Variants in PPP4R3A observed in about 807,000 individuals in gnomAD.
PPP4R3A encodes the protein serine/threonine-protein phosphatase 4 regulatory subunit 3A.
In PPP4R3A, 15 loss-of-function variants were observed where a neutral mutation model predicts 91.7. The ratio of observed to expected loss-of-function variants is 0.16; its 90% CI spans 0.11 to 0.25. The LOEUF is 0.25. Among genes scored for constraint, PPP4R3A ranks in the 10% least tolerant of loss-of-function variants. The pLI is 1.00. For missense variants in PPP4R3A, 623 were observed against 998.4 expected (o/e 0.62, Z 5.07); for synonymous variants, 377 against 348.7 (o/e 1.08, Z -0.91).
At chr14:91,485,536 T>C (rs149034440) in intron 3 of PPP4R3A, 96 bp downstream of exon 3, 1 of 833,376 alleles carries the variant, frequency 1.2e-6, no homozygotes, top group African/African-American at 1.7e-5. Context: ...AAAGATCAAT[T>C]TGAAATTTAT....
At chr14:91,469,045 CACTG>C (rs1388468864) in intron 10 of PPP4R3A, among the ~76,000 whole-genome samples, 10 of 149,794 alleles carry the variant, frequency 6.7e-5, no homozygotes. Context: ...TCTAAGATGC[CACTG>C]ACTAAGCTAC....
chr14:91,509,719 G>A lies in PPP4R3A; in HGVS notation c.-72C>T, dbSNP rs374514084. The A allele has an allele frequency of 1.1e-3, 1,586 of 1,472,554 alleles. 34 individuals carry two copies. The South Asian group carries it at 0.019, about 18-fold the overall frequency. The allele number at this position is 1,472,554 out of a possible 1,614,324, so 91.2% of individuals were successfully genotyped here. A position where few individuals can be genotyped will look rare whatever the true frequency, so the allele number is the denominator to read the frequency against. ...GGAAAGGGGCCCTGGAGAGGCGAGG[G>A]GCGAGGCGTGAGGGCGCCCGCGAGC... is the stretch of plus-strand genomic sequence containing the variant. On this transcript the variant is annotated 5_prime_UTR_variant, in exon 1 of 15. Transcript: ENST00000554943.
intron 1 of PPP4R3A, among the ~76,000 whole-genome samples, chr14:91,502,471 C>T (rs1008752401): frequency 6.6e-6 from 1 of 152,198 alleles, no homozygotes; most frequent in Non-Finnish European, 1.5e-5. Flanking sequence ...TGTACCGACA[C>T]TGAGCTCTTC....
In PPP4R3A at chr14:91,485,627, A is replaced by T. The variant is rs1364082699; in HGVS notation, c.297+5T>A. On this transcript the variant is annotated splice_donor_5th_base_variant and intron_variant, in intron 3 of 14. Transcript: ENST00000554943. ...GCATGTTGATTTTTTTATTTAAAAA[A>T]TTACCTGACATATTTTCTCCCAAAT... 1 of 1,593,376 alleles carries T rather than the reference A, an allele frequency of 6.3e-7. No individual in the cohort carries two copies. Among genetic ancestry groups the T allele is most frequent in the East Asian group, 2.2e-5 (1 of 44,726 alleles).
At chr14:91,483,737 G>A (rs1777697308) in intron 3 of PPP4R3A, among the ~76,000 whole-genome samples, 1 of 152,152 alleles carries the variant, frequency 6.6e-6, no homozygotes, top group African/African-American at 2.4e-5. Flanking sequence ...TAAAAAGAGT[G>A]ACTGAGAAAT....
chr14:91,460,242 T>G (rs1028696066), intron 14 of PPP4R3A, among the ~76,000 whole-genome samples: 1 of 152,106 alleles, frequency 6.6e-6, no homozygotes, highest in African/African-American at 2.4e-5. Flanking sequence ...TCGGATCTCC[T>G]GACCTCGTGA....
At chr14:91,506,976 C>T (rs1286804664) in intron 1 of PPP4R3A, among the ~76,000 whole-genome samples, 7 of 152,100 alleles carry the variant, frequency 4.6e-5, no homozygotes, top group Admixed American at 4.6e-4. Context: ...TAACCTCCAA[C>T]CTGCAAAATG....
rs906824465 is a variant in PPP4R3A at position 91,469,752 on chromosome 14, C to T, written c.1660+1085G>A. On this transcript the variant is annotated intron_variant, in intron 10 of 14. Transcript: ENST00000554943. ...CCCAGCTTTCTATTTTTAGTAGAGACGGGGTTTCACCATGTTACCCAGGCT... is the reference window on the plus strand; with the variant it reads ...CCCAGCTTTCTATTTTTAGTAGAGATGGGGTTTCACCATGTTACCCAGGCT... Among the ~76,000 whole-genome samples, 29 of 151,962 alleles carry T rather than the reference C, an allele frequency of 1.9e-4. No homozygotes were observed. The East Asian group carries it at 2.3e-3, about 12-fold the overall frequency.
intron 7 of PPP4R3A, among the ~76,000 whole-genome samples, chr14:91,473,926 T>C (rs1057372038): frequency 1.7e-4 from 26 of 152,230 alleles, no homozygotes; most frequent in Middle Eastern, 6.8e-3. Flanking sequence ...TGCACCACCA[T>C]GCCCGGCTAA....
chr14:91,499,467 T>C (rs1198775181), intron 1 of PPP4R3A, among the ~76,000 whole-genome samples: 1 of 151,846 alleles, frequency 6.6e-6, no homozygotes, highest in African/African-American at 2.4e-5. Context: ...ATAATAGAGG[T>C]GTTTACAATT....
chr14:91,490,943 C>T (rs1383214481), intron 1 of PPP4R3A, 141 bp from the exon 2 acceptor site: 4 of 341,460 alleles, frequency 1.2e-5, no homozygotes, highest in Admixed American at 5.1e-5. Flanking sequence ...TTCTCTCTGT[C>T]GCCCAGACTG....
At chr14:91,466,997 G>A (rs1249286449) in intron 10 of PPP4R3A, among the ~76,000 whole-genome samples, 1 of 149,478 alleles carries the variant, frequency 6.7e-6, no homozygotes, top group African/African-American at 2.5e-5. Flanking sequence ...CTAGGTGAGT[G>A]AAAAACTCCT....
In PPP4R3A at chr14:91,458,689, G is replaced by A; in HGVS notation, c.*70C>T. The A allele has an allele frequency of 6.2e-7, 1 of 1,611,148 alleles. No individual in the cohort carries two copies. Among genetic ancestry groups the A allele is most frequent in the Non-Finnish European group, 8.5e-7 (1 of 1,177,800 alleles). On this transcript the variant is annotated 3_prime_UTR_variant, in exon 15 of 15. Transcript: ENST00000554943. ...CAAGAGACCACTGCGCTTTGTTGTG[G>A]ATTTTGTATGGGGGAGGGGTGGAGA...
chr14:91,468,059 G>A (rs903921457), intron 10 of PPP4R3A, among the ~76,000 whole-genome samples: 2 of 152,018 alleles, frequency 1.3e-5, no homozygotes, highest in African/African-American at 2.4e-5. Context: ...TGTTCCTAAT[G>A]ACAGACATCT....
Position 91,510,117 on chromosome 14 carries a change from T to C in PPP4R3A, c.-470A>G, listed in dbSNP as rs568860789. Reference sequence around the variant, plus strand: ...GCCAGTGGCTCCCTTCCGCTCCCCCTGTTTTAAACGTCAGAAGCCGACAGG... The same window carrying C: ...GCCAGTGGCTCCCTTCCGCTCCCCCCGTTTTAAACGTCAGAAGCCGACAGG... On this transcript the variant is annotated 5_prime_UTR_variant, in exon 1 of 15. Transcript: ENST00000554943. 4.2e-5 allele frequency: 8 copies of C among 189,192 alleles called. No individual in the cohort carries two copies. The highest frequency in any genetic ancestry group is 6.9e-5 in the Non-Finnish European group (7 of 100,912). The allele number at this position is 189,192 out of a possible 1,614,324, so 11.7% of individuals were successfully genotyped here.
Position 91,502,146 on chromosome 14 carries a change from G to A in PPP4R3A, c.142+7360C>T, listed in dbSNP as rs548184438. Among the ~76,000 whole-genome samples the A allele has an allele frequency of 2.6e-5, 4 of 152,262 alleles. No homozygotes were observed. In the South Asian group the frequency reaches 8.3e-4, roughly 32 times the overall value. ...ATTTAAAAACTAAAATGGGCCAGGT[G>A]TGGTAGCTCACAGCTATAATCCTGG... On this transcript the variant is annotated intron_variant, in intron 1 of 14. Coordinates refer to ENST00000554943, the MANE Select transcript of PPP4R3A (RefSeq NM_001366432.2).
chr14:91,465,206 C>T lies in PPP4R3A; in HGVS notation c.1830+44G>A, dbSNP rs576332180. On this transcript the variant is annotated intron_variant, in intron 11 of 14. Transcript: ENST00000554943. The stretch of plus-strand genomic sequence containing the variant: ...CTAGGTAATGCATATTCAATTTTCT[C>T]AAACAATTAAAATGAAAATTCTAAT... The T allele has an allele frequency of 6.1e-5, 85 of 1,400,144 alleles. 2 individuals carry two copies. The South Asian group carries it at 1.4e-3, about 23-fold the overall frequency. 86.7% of individuals were successfully genotyped at this position (1,400,144 alleles called of 1,614,324 possible).
Position 91,476,999 on chromosome 14 carries a change from G to A in PPP4R3A, c.916-13C>T. On this transcript the variant is annotated splice_polypyrimidine_tract_variant and intron_variant, in intron 4 of 14. Transcript: ENST00000554943. ...ATTTTTCATCTTCCTGTGAAACAAA[G>A]GACAAATGCAATTATGTTAATGCTA... 6.3e-7 allele frequency: 1 copy of A among 1,579,990 alleles called. No homozygotes were observed. Among genetic ancestry groups the A allele is most frequent in the Non-Finnish European group, 8.6e-7 (1 of 1,158,408 alleles).
chr14:91,468,012 C>A (rs1888582542), intron 10 of PPP4R3A, among the ~76,000 whole-genome samples: 1 of 152,052 alleles, frequency 6.6e-6, no homozygotes. Flanking sequence ...TTGATAAAAA[C>A]TCCTATTGCA....
Sources: allele counts gnomAD v4.1 joint callset (sites outside exome capture counted in the v4.1 genomes callset), GRCh38; gene constraint gnomAD v4.1.1; transcripts MANE v1.5; gene names NCBI Gene and HGNC (gene_info 2026-07-23, HGNC 2026-07-21).